Variants in KCNK10 observed in about 807,000 individuals in gnomAD.
KCNK10 encodes potassium channel subfamily K member 10.
KCNK10 carries 25 observed loss-of-function variants against 47.7 expected under a neutral mutation model. The ratio of observed to expected loss-of-function variants is 0.52; its 90% CI spans 0.38 to 0.73. The LOEUF is 0.73. Among genes scored for constraint, KCNK10 ranks in the 30% least tolerant of loss-of-function variants. KCNK10 has a pLI of 0.00. For synonymous variants in KCNK10, 303 were observed against 285.6 expected (o/e 1.06, Z -0.61); for missense variants, 563 against 714.5 (o/e 0.79, Z 2.42).
In KCNK10 at chr14:88,185,869, G is replaced by C. The variant is rs139543723; in HGVS notation, c.1298C>G (p.Pro433Arg). Residue 433 changes from proline (P) to arginine (R), a missense_variant, in exon 7 of 7, where the codon CCG (proline) becomes CGG (arginine). Pro to Arg is a moderately radical substitution (Grantham distance 103). Transcript: ENST00000319231. The surrounding 1 kb of genome is among the most constrained non-coding windows in gnomAD (Gnocchi z 4.3). ...NRPNNLRLKGPEQLNKHGQGA... is the reference protein window; with the variant it reads ...NRPNNLRLKGREQLNKHGQGA... ...CTGCCCATGCTTGTTCAGCTGCTCCGGCCCCTTCAGGCGCAGGTTGTTGGG... is the reference window on the plus strand; with the variant it reads ...CTGCCCATGCTTGTTCAGCTGCTCCCGCCCCTTCAGGCGCAGGTTGTTGGG... 1 of 1,614,002 alleles carries C rather than the reference G, an allele frequency of 6.2e-7. No homozygotes were observed. Among genetic ancestry groups the C allele is most frequent in the Non-Finnish European group, 8.5e-7 (1 of 1,180,008 alleles).
At chr14:88,317,368 C>G (rs1298776726) in intron 1 of KCNK10, among the ~76,000 whole-genome samples, 1 of 152,204 alleles carries the variant, frequency 6.6e-6, no homozygotes, top group African/African-American at 2.4e-5. Context: ...GCCAGTACAG[C>G]AGAAGGAAGA....
intron 2 of KCNK10, among the ~76,000 whole-genome samples, chr14:88,254,833 T>C (rs1203711536): frequency 1.3e-5 from 2 of 152,172 alleles, no homozygotes; most frequent in Non-Finnish European, 2.9e-5. Flanking sequence ...GAAATGCAAG[T>C]ACTCCAGGTA....
intron 4 of KCNK10, among the ~76,000 whole-genome samples, chr14:88,226,253 T>A (rs751457956): frequency 2.0e-5 from 3 of 152,206 alleles, no homozygotes; most frequent in Non-Finnish European, 4.4e-5. Flanking sequence ...CTCACCCAGC[T>A]ATGGTGCCTC....
At chr14:88,212,834 C>T (rs1280592772) in intron 4 of KCNK10, among the ~76,000 whole-genome samples, 1 of 152,240 alleles carries the variant, frequency 6.6e-6, no homozygotes, top group African/African-American at 2.4e-5. Context: ...AAGTGCACTT[C>T]TAACAGGAAT....
chr14:88,289,567 GT>G (rs1887834548), intron 1 of KCNK10, among the ~76,000 whole-genome samples: 1 of 152,246 alleles, frequency 6.6e-6, no homozygotes, highest in Non-Finnish European at 1.5e-5. Flanking sequence ...ATAGCTGCTT[GT>G]GTGATCTGCT....
chr14:88,286,384 A>G (rs1275440528), intron 1 of KCNK10, among the ~76,000 whole-genome samples: 2 of 152,156 alleles, frequency 1.3e-5, no homozygotes, highest in Non-Finnish European at 2.9e-5. Context: ...TGCTGCATCT[A>G]TATTGTGATA....
At chr14:88,319,716 G>A (rs964007896) in intron 1 of KCNK10, among the ~76,000 whole-genome samples, 5 of 150,244 alleles carry the variant, frequency 3.3e-5, no homozygotes, top group South Asian at 4.2e-4. Flanking sequence ...TTTCCTCCTC[G>A]CAACAAGCTT....
chr14:88,244,888 C>T (rs528659581), intron 2 of KCNK10, among the ~76,000 whole-genome samples: 5 of 152,110 alleles, frequency 3.3e-5, no homozygotes, highest in Non-Finnish European at 7.4e-5. Context: ...TTATCAAGTT[C>T]AGAGAGATCT....
Position 88,323,150 on chromosome 14 carries a change from CGCAGCCTGAAGGCT to C in KCNK10, c.-366_-353del. 8.8e-7 allele frequency: 1 copy of C among 1,134,022 alleles called. No homozygotes were observed. Among genetic ancestry groups the C allele is most frequent in the Non-Finnish European group, 1.1e-6 (1 of 917,818 alleles). The allele number at this position is 1,134,022 out of a possible 1,614,324, so 70.2% of individuals were successfully genotyped here. ...AGCGGTGCCGGCAGGTTAGGGGCTG[CGCAGCCTGAAGGCT>C]GGGGCTACGGAGAAGCCCACTGCAG... On this transcript the variant is annotated 5_prime_UTR_variant, in exon 1 of 7. Transcript: ENST00000319231.
At chr14:88,244,482 C>A (rs887609694) in intron 2 of KCNK10, among the ~76,000 whole-genome samples, 1 of 152,156 alleles carries the variant, frequency 6.6e-6, no homozygotes, top group African/African-American at 2.4e-5. Flanking sequence ...TCCTGCCTAA[C>A]ATGGTGAAAC....
intron 2 of KCNK10, among the ~76,000 whole-genome samples, chr14:88,248,745 C>CA (rs112773415): frequency 0.054 from 7,402 of 137,330 alleles, 204 homozygotes; most frequent in South Asian, 0.096. Flanking sequence ...GATTCTGTGC[C>CA]AAAAAAAAAA....
chr14:88,243,021 AC>A (rs1886526106), intron 2 of KCNK10, among the ~76,000 whole-genome samples: 1 of 152,256 alleles, frequency 6.6e-6, no homozygotes, highest in Non-Finnish European at 1.5e-5. Context: ...AGCACTGCAA[AC>A]AAAAACACAG....
In KCNK10 at chr14:88,263,207, T is replaced by A; in HGVS notation, c.397A>T (p.Ile133Phe). 6.2e-7 allele frequency: 1 copy of A among 1,612,266 alleles called. No individual in the cohort carries two copies. Among genetic ancestry groups the A allele is most frequent in the South Asian group, 1.1e-5 (1 of 90,956 alleles). Residue 133 changes from isoleucine (I) to phenylalanine (F), a missense_variant, in exon 2 of 7, where the codon ATC becomes TTC. Transcript: ENST00000319231. ...TGGACTCACTCCCTGCTCACCTGGA[T>A]CAACGTCTCCAGCTCCTGGGGGCTC... ...CVSPQELETL[I>F]QHALDADNAG...
chr14:88,203,033 G>A (rs149418457), intron 4 of KCNK10, among the ~76,000 whole-genome samples: 297 of 152,300 alleles, frequency 2.0e-3, no homozygotes, highest in African/African-American at 7.0e-3. Flanking sequence ...TCCATGGGAG[G>A]TGGGGTGGCA....
chr14:88,236,861 G>A (rs1886316536), intron 3 of KCNK10, among the ~76,000 whole-genome samples: 1 of 152,170 alleles, frequency 6.6e-6, no homozygotes, highest in Non-Finnish European at 1.5e-5. Context: ...TGCTTTCGCT[G>A]GCGGAGGGTC....
intron 1 of KCNK10, among the ~76,000 whole-genome samples, chr14:88,312,424 A>T (rs1019199704): frequency 6.6e-6 from 1 of 152,208 alleles, no homozygotes; most frequent in Admixed American, 6.5e-5. Context: ...GGTCCCTGCC[A>T]TCCTGGCTGG....
Position 88,185,564 on chromosome 14 carries a change from T to C in KCNK10, c.1603A>G (p.Asn535Asp). The change falls in exon 7 of 7, where the codon AAC becomes GAC. Residue 535 changes from asparagine (N) to aspartate (D), a missense_variant. By Grantham distance (23) the Asn-to-Asp change is conservative. Transcript: ENST00000319231. This position sits in a 1 kb window ranked among gnomAD's most constrained non-coding sequence, Gnocchi z 4.3. ...TTTCTGTCTTCAAGTAATGAGTTGT[T>C]CTCCGGCTCCCGGTCTTTGGTGTCC... ...PTDTKDREPE[N>D]NSLLEDRN is the part of the protein sequence containing the mutation. 6.2e-7 allele frequency: 1 copy of C among 1,613,858 alleles called. No homozygotes were observed.
At chr14:88,187,381 T>C (rs915485637) in intron 6 of KCNK10, among the ~76,000 whole-genome samples, 2 of 152,128 alleles carry the variant, frequency 1.3e-5, no homozygotes, top group Non-Finnish European at 1.5e-5. Flanking sequence ...AAAATCTATC[T>C]TTCCTTCATA....
intron 2 of KCNK10, among the ~76,000 whole-genome samples, chr14:88,256,325 C>T (rs1886954160): frequency 6.6e-6 from 1 of 152,202 alleles, no homozygotes; most frequent in African/African-American, 2.4e-5. Context: ...TCTGTGGTCA[C>T]TCCACTGGTC....
Sources: allele counts gnomAD v4.1 joint callset (sites outside exome capture counted in the v4.1 genomes callset), GRCh38; gene constraint gnomAD v4.1.1; non-coding constraint Gnocchi (gnomAD v3.1); transcripts MANE v1.5; gene names NCBI Gene and HGNC (gene_info 2026-07-23, HGNC 2026-07-21).